Variants in MYO6 observed in about 807,000 individuals in gnomAD.
The protein encoded by MYO6 is myosin VI.
Under a neutral mutation model 178.7 loss-of-function variants are expected in MYO6, and 74 were observed. That is an observed-to-expected ratio of 0.41 (90% CI 0.34 to 0.50). The LOEUF (loss-of-function observed/expected upper bound fraction) is 0.50. MYO6 is among the 20% of genes least tolerant of loss of function. The pLI, the probability that MYO6 is intolerant of heterozygous loss-of-function variation, is 0.09. For synonymous variants in MYO6, 477 were observed against 504.6 expected (o/e 0.95, Z 0.73); for missense variants, 1,330 against 1,547.4 (o/e 0.86, Z 2.36).
chr6:75,751,467 A>G (rs276693), intron 1 of MYO6, among the ~76,000 whole-genome samples: 9,551 of 152,258 alleles, frequency 0.063, 383 homozygotes, highest in East Asian at 0.18. Context: ...GCCTAGAAAC[A>G]TGAGCAAGAA....
At chr6:75,902,650 A>G (rs1296404870) in intron 30 of MYO6, among the ~76,000 whole-genome samples, 1 of 151,672 alleles carries the variant, frequency 6.6e-6, no homozygotes, top group Non-Finnish European at 1.5e-5. Flanking sequence ...CGGTCTATCA[A>G]TTTTGTTGAT....
chr6:75,895,248 C>A lies in MYO6; in HGVS notation c.3125C>A (p.Pro1042His), dbSNP rs1294241736. 2 of 1,605,766 alleles carry A rather than the reference C, an allele frequency of 1.2e-6. No homozygotes were observed. The highest frequency in any genetic ancestry group is 1.7e-6 in the Non-Finnish European group (2 of 1,173,726). ...TTTCACAGAAATGATGGAACAAGAC[C>A]CAAAATGACACCGTATGTCACTTAC... ...LALRRNDGTR[P>H]KMTPEQMAKE... Residue 1042 changes from proline (P) to histidine (H), a missense_variant, in exon 29 of 35, where the codon CCC becomes CAC. Pro to His is a moderately conservative substitution (Grantham distance 77). Coordinates refer to ENST00000369977, the MANE Select transcript of MYO6 (RefSeq NM_004999.4).
At chr6:75,861,121 G>C in intron 15 of MYO6, 26 bp downstream of exon 15, 1 of 1,515,162 alleles carries the variant, frequency 6.6e-7, no homozygotes. Context: ...CTCCACCTTT[G>C]AAAAATATAG....
chr6:75,857,517 A>G (rs1177720868), intron 13 of MYO6, among the ~76,000 whole-genome samples: 3 of 152,216 alleles, frequency 2.0e-5, no homozygotes, highest in East Asian at 1.9e-4. Flanking sequence ...GGATATCTCT[A>G]TACTCTAAAA....
chr6:75,910,222 T>A (rs1180299621), intron 32 of MYO6, among the ~76,000 whole-genome samples: 2 of 152,224 alleles, frequency 1.3e-5, no homozygotes, highest in African/African-American at 4.8e-5. Context: ...TTGCAAAAAA[T>A]GACAGTGAGC....
At chr6:75,755,147 C>T (rs1777241386) in intron 1 of MYO6, among the ~76,000 whole-genome samples, 1 of 152,156 alleles carries the variant, frequency 6.6e-6, no homozygotes, top group Non-Finnish European at 1.5e-5. Flanking sequence ...GTTGGAGGAT[C>T]TCCTGAGCCC....
chr6:75,839,535 A>G (rs1468873298), intron 7 of MYO6, among the ~76,000 whole-genome samples: 1 of 152,168 alleles, frequency 6.6e-6, no homozygotes, highest in Non-Finnish European at 1.5e-5. Flanking sequence ...AAAAAATTTT[A>G]ACACTGAACA....
chr6:75,899,890 C>T (rs1401180391), intron 30 of MYO6, among the ~76,000 whole-genome samples: 1 of 112,516 alleles, frequency 8.9e-6, no homozygotes, highest in South Asian at 3.7e-4. Flanking sequence ...CCCCCCTCCC[C>T]CCACCCTACA....
At chr6:75,767,670 C>A (rs944773497) in intron 1 of MYO6, among the ~76,000 whole-genome samples, 2 of 151,738 alleles carry the variant, frequency 1.3e-5, no homozygotes, top group African/African-American at 4.8e-5. Context: ...AGGTGCGCAC[C>A]ACCACACCCG....
intron 25 of MYO6, among the ~76,000 whole-genome samples, chr6:75,887,831 T>C (rs965003386): frequency 8.3e-5 from 12 of 144,182 alleles, no homozygotes; most frequent in South Asian, 2.2e-4. Context: ...AAAAAAAAAT[T>C]AGCCAGGCGT....
chr6:75,866,606 A>G lies in MYO6; in HGVS notation c.1755A>G (p.Ala585=). ...EGFIIRHFAG[A]VCYETTQFVE... ...TCATTATCAGGCATTTTGCGGGGGC[A>G]GTGTGCTATGAAACAGTGAGTATAA... Residue 585 remains alanine (A), a synonymous_variant, in exon 17 of 35, where the codon GCA becomes GCG. Coordinates refer to ENST00000369977, the MANE Select transcript of MYO6 (RefSeq NM_004999.4). The G allele has an allele frequency of 2.5e-6, 4 of 1,613,736 alleles. No homozygotes were observed. The highest frequency in any genetic ancestry group is 2.5e-6 in the Non-Finnish European group (3 of 1,179,604).
At chr6:75,840,787 T>C in intron 8 of MYO6, 105 bp downstream of exon 8, 1 of 826,920 alleles carries the variant, frequency 1.2e-6, no homozygotes. Flanking sequence ...CCTTTAAGTT[T>C]CATTGTTACT....
In MYO6 at chr6:75,821,974, C is replaced by T. The variant is rs182367947; in HGVS notation, c.118-808C>T. Among the ~76,000 whole-genome samples the T allele has an allele frequency of 1.7e-4, 26 of 151,964 alleles. No homozygotes were observed. In the East Asian group the frequency reaches 4.8e-3, roughly 28 times the overall value. ...TTTTTGGTATTTTTTATATTTCTGA[C>T]AGATTTTTGTACAGGAGTTTGTGTC... On this transcript the variant is annotated intron_variant, in intron 2 of 34. Transcript: ENST00000369977.
At chr6:75,830,374 A>G (rs775294537) in intron 4 of MYO6, 42 bp from the exon 5 acceptor site, 7 of 1,567,194 alleles carry the variant, frequency 4.5e-6, no homozygotes, top group Admixed American at 3.4e-5. Flanking sequence ...TTAAATGAAA[A>G]TAGTAATTGG....
chr6:75,836,048 A>G, intron 7 of MYO6, 92 bp downstream of exon 7: 1 of 856,972 alleles, frequency 1.2e-6, no homozygotes, highest in African/African-American at 1.7e-5. Flanking sequence ...TCAGAGATGC[A>G]AAAGACTCTC....
chr6:75,864,904 A>G (rs911149624), intron 16 of MYO6, among the ~76,000 whole-genome samples: 19 of 152,192 alleles, frequency 1.2e-4, no homozygotes, highest in African/African-American at 4.6e-4. Flanking sequence ...GATGAGACAT[A>G]CAAGGAGAGG....
At chr6:75,765,419 T>G (rs990226975) in intron 1 of MYO6, among the ~76,000 whole-genome samples, 1 of 151,990 alleles carries the variant, frequency 6.6e-6, no homozygotes, top group Non-Finnish European at 1.5e-5. Context: ...TCAAGTGATC[T>G]GCCTGCCTCA....
intron 16 of MYO6, chr6:75,865,355 CTT>C (rs386407605): frequency 6.2e-5 from 4 of 64,858 alleles, no homozygotes; most frequent in African/African-American, 1.6e-4. Flanking sequence ...TAAATGATGT[CTT>C]TTTTTTTTTT....
chr6:75,765,344 T>G (rs994864975), intron 1 of MYO6, among the ~76,000 whole-genome samples: 2 of 151,386 alleles, frequency 1.3e-5, no homozygotes, highest in Non-Finnish European at 2.9e-5. Flanking sequence ...GCCTGGCTAA[T>G]TTTTGTATTT....
Sources: gnomAD v4.1 joint callset for allele counts (sites outside exome capture counted in the v4.1 genomes callset) on GRCh38, gnomAD v4.1.1 for gene constraint, MANE v1.5 for transcripts, NCBI Gene and HGNC (gene_info 2026-07-23, HGNC 2026-07-21) for gene names.